Variants in CPPED1 observed in about 807,000 individuals in gnomAD.
CPPED1 encodes the protein serine/threonine-protein phosphatase CPPED1.
Under a neutral mutation model 28.0 loss-of-function variants are expected in CPPED1, and 28 were observed. The ratio of observed to expected loss-of-function variants is 1.00; its 90% confidence interval spans 0.74 to 1.37. The LOEUF is 1.37. Among genes scored for constraint, CPPED1 ranks in the 40% most tolerant of loss-of-function variants. The probability of loss-of-function intolerance (pLI) is 0.00; values close to 1 mark genes in which losing one functional copy is unlikely to be tolerated. For missense variants in CPPED1, 504 were observed against 416.5 expected, an observed-to-expected ratio of 1.21 and a Z score of -1.83; for synonymous variants, 198 against 180.2, an observed-to-expected ratio of 1.10 and a Z score of -0.79.
intron 2 of CPPED1, among the ~76,000 whole-genome samples, chr16:12,739,682 A>AT (rs2080244281): frequency 6.6e-6 from 1 of 151,950 alleles, no homozygotes; most frequent in South Asian, 2.1e-4. Context: ...TTTTTCTCCC[A>AT]TTTTTGCCTC....
chr16:12,801,794 G>T (rs1053602019), intron 1 of CPPED1, among the ~76,000 whole-genome samples: 10 of 152,162 alleles, frequency 6.6e-5, no homozygotes, highest in Non-Finnish European at 1.5e-4. Flanking sequence ...GGGATTACTT[G>T]GTGGGGGTTG....
chr16:12,695,809 G>A (rs148923243), intron 3 of CPPED1, among the ~76,000 whole-genome samples: 202 of 152,214 alleles, frequency 1.3e-3, no homozygotes, highest in African/African-American at 4.6e-3. Flanking sequence ...GGCTGTGCTC[G>A]AGTCTTTCTG....
intron 2 of CPPED1, among the ~76,000 whole-genome samples, chr16:12,775,471 T>G (rs549817186): frequency 2.2e-4 from 33 of 151,976 alleles, no homozygotes; most frequent in Non-Finnish European, 3.7e-4. Flanking sequence ...GGACCAAAGG[T>G]GTAGAGTTTT....
rs542821203 is a variant in CPPED1, at chr16:12,661,530, T to C, written c.*3356A>G. The C allele has an allele frequency of 2.0e-5, 3 of 152,318 alleles. No homozygotes were observed. The East Asian group carries it at 5.8e-4, about 29-fold the overall frequency. The allele number at this position is 152,318 out of a possible 1,614,324, so 9.4% of individuals were successfully genotyped here. ...TCACTTGAGCCTTTGCAATCCAATTTGAGATCACTTTAAAAAACCTTCCCC... is the reference window on the plus strand; with the variant it reads ...TCACTTGAGCCTTTGCAATCCAATTCGAGATCACTTTAAAAAACCTTCCCC... On this transcript the variant is annotated 3_prime_UTR_variant, in exon 4 of 4. Transcript: ENST00000381774.
At chr16:12,761,325 AGAG>A (rs2080408963) in intron 2 of CPPED1, among the ~76,000 whole-genome samples, 1 of 151,992 alleles carries the variant, frequency 6.6e-6, no homozygotes, top group African/African-American at 2.4e-5. Context: ...AGAAAAGAAA[AGAG>A]GAGAAGTTCT....
chr16:12,698,432 T>G (rs934636766), intron 3 of CPPED1, among the ~76,000 whole-genome samples: 1 of 145,778 alleles, frequency 6.9e-6, no homozygotes, highest in Non-Finnish European at 1.5e-5. Flanking sequence ...AAACTTTGAA[T>G]TTTTTTTATT....
intron 2 of CPPED1, among the ~76,000 whole-genome samples, chr16:12,748,163 C>G (rs955081109): frequency 2.6e-5 from 4 of 152,162 alleles, no homozygotes; most frequent in Admixed American, 1.3e-4. Context: ...GGAGAAAGCT[C>G]ACTCATAGTG....
chr16:12,789,504 G>A (rs1217407409), intron 1 of CPPED1, among the ~76,000 whole-genome samples: 1 of 151,830 alleles, frequency 6.6e-6, no homozygotes, highest in Non-Finnish European at 1.5e-5. Flanking sequence ...AACAAGCCAG[G>A]AAAAAAGAAA....
At chr16:12,701,015 G>A (rs2080017492) in intron 3 of CPPED1, among the ~76,000 whole-genome samples, 1 of 152,030 alleles carries the variant, frequency 6.6e-6, no homozygotes, top group South Asian at 2.1e-4. Context: ...GTCACTTGAG[G>A]CCAGGAATTT....
chr16:12,792,698 C>T (rs539421494), intron 1 of CPPED1, among the ~76,000 whole-genome samples: 2 of 152,214 alleles, frequency 1.3e-5, no homozygotes, highest in Admixed American at 6.5e-5. Context: ...CCATGCTGTT[C>T]GCATGATAGT....
intron 2 of CPPED1, among the ~76,000 whole-genome samples, chr16:12,732,280 G>GA (rs1251096101): frequency 6.9e-6 from 1 of 144,592 alleles, no homozygotes; most frequent in African/African-American, 2.6e-5. Context: ...TAGCAAAAAT[G>GA]AAAAGCTCGG....
chr16:12,710,348 G>T (rs530644374), intron 2 of CPPED1, among the ~76,000 whole-genome samples: 1 of 151,992 alleles, frequency 6.6e-6, no homozygotes, highest in Non-Finnish European at 1.5e-5. Context: ...CAACTGGGAG[G>T]CTGGTCATGT....
At chr16:12,673,443 ATGTC>A (rs1218586210) in intron 3 of CPPED1, among the ~76,000 whole-genome samples, 8 of 152,230 alleles carry the variant, frequency 5.3e-5, no homozygotes, top group Admixed American at 5.2e-4. Flanking sequence ...TCTGGAAAGA[ATGTC>A]TGGCAATTTT....
intron 2 of CPPED1, among the ~76,000 whole-genome samples, chr16:12,776,536 T>C (rs1226667952): frequency 1.3e-5 from 2 of 152,184 alleles, no homozygotes; most frequent in Non-Finnish European, 2.9e-5. Context: ...GCTGTTGTCG[T>C]GACTGTGAAT....
chr16:12,756,125 C>T (rs1489292398), intron 2 of CPPED1, among the ~76,000 whole-genome samples: 25 of 134,498 alleles, frequency 1.9e-4, no homozygotes, highest in Admixed American at 1.8e-3. Context: ...AGCGAAACTC[C>T]GTCAAAAAAA....
At chr16:12,706,500 T>C (rs1423192177) in intron 2 of CPPED1, among the ~76,000 whole-genome samples, 3 of 145,028 alleles carry the variant, frequency 2.1e-5, no homozygotes, top group African/African-American at 2.5e-5. Context: ...TTCCTTTCCT[T>C]CCTCCCTTCC....
chr16:12,733,817 T>G (rs2080211948), intron 2 of CPPED1, among the ~76,000 whole-genome samples: 1 of 152,210 alleles, frequency 6.6e-6, no homozygotes, highest in African/African-American at 2.4e-5. Context: ...AATGAGGAGT[T>G]GTGCACTGCT....
chr16:12,724,945 C>A (rs2080162276), intron 2 of CPPED1, among the ~76,000 whole-genome samples: 1 of 152,038 alleles, frequency 6.6e-6, no homozygotes, highest in African/African-American at 2.4e-5. Flanking sequence ...TGCCACCACG[C>A]CCGGCTAATT....
chr16:12,737,213 A>T lies in CPPED1; in HGVS notation c.290-32164T>A, dbSNP rs1045740493. Among the ~76,000 whole-genome samples, 3 of 149,792 alleles carry T rather than the reference A, an allele frequency of 2.0e-5. No homozygotes were observed. The South Asian group carries it at 6.5e-4, about 32-fold the overall frequency. ...TCAAAAAAATAATAATAATAATAAT[A>T]AAAAAAATCAGAGATCATTTCAATG... On this transcript the variant is annotated intron_variant, in intron 2 of 3. Coordinates refer to ENST00000381774, the MANE Select transcript of CPPED1 (RefSeq NM_018340.3).
Sources: gnomAD v4.1 joint callset for allele counts (sites outside exome capture counted in the v4.1 genomes callset) on GRCh38, gnomAD v4.1.1 for gene constraint, MANE v1.5 for transcripts, NCBI Gene and HGNC (gene_info 2026-07-23, HGNC 2026-07-21) for gene names.